Variants in MSH4 observed in about 807,000 individuals in gnomAD.
The protein encoded by MSH4 is mutS protein homolog 4.
A neutral mutation model predicts 113.7 loss-of-function variants in MSH4; 106 were observed. That is an observed-to-expected ratio of 0.93 (90% confidence interval 0.80 to 1.10). MSH4 has a LOEUF of 1.10. Among genes scored for constraint, MSH4 ranks in the 50% least tolerant of loss-of-function variants. The pLI, the probability that MSH4 is intolerant of heterozygous loss-of-function variation, is 0.00. For synonymous variants in MSH4, 368 were observed against 380.2 expected (o/e 0.97, Z 0.37); for missense variants, 1,061 against 1,093.7 (o/e 0.97, Z 0.42).
intron 7 of MSH4, among the ~76,000 whole-genome samples, chr1:75,840,357 ATGTCCTT>A (rs1285167434): frequency 1.8e-4 from 26 of 146,888 alleles, no homozygotes; most frequent in African/African-American, 6.5e-4. Flanking sequence ...TGATGAGTTC[ATGTCCTT>A]TGTAGGGACA....
At chr1:75,909,749 T>A (rs1652747705) in intron 19 of MSH4, among the ~76,000 whole-genome samples, 1 of 151,908 alleles carries the variant, frequency 6.6e-6, no homozygotes, top group South Asian at 2.1e-4. Context: ...TTTGAAACAG[T>A]TTCACTCTTC....
intron 9 of MSH4, among the ~76,000 whole-genome samples, chr1:75,869,196 A>G (rs533601826): frequency 1.3e-5 from 2 of 152,268 alleles, no homozygotes; most frequent in South Asian, 2.1e-4. Flanking sequence ...CACTCTTGCT[A>G]TGCAAAGAGA....
chr1:75,813,099 G>A (rs547098591), intron 4 of MSH4, among the ~76,000 whole-genome samples: 3 of 152,244 alleles, frequency 2.0e-5, no homozygotes, highest in African/African-American at 7.2e-5. Context: ...ATGGCTCAAG[G>A]CTGATGTCAT....
Position 75,879,137 on chromosome 1 carries a change from T to C in MSH4, c.1677+9T>C, listed in dbSNP as rs1328778139. 1 of 1,605,480 alleles carries C rather than the reference T, an allele frequency of 6.2e-7. No homozygotes were observed. The highest frequency in any genetic ancestry group is 8.5e-7 in the Non-Finnish European group (1 of 1,173,394). On this transcript the variant is annotated intron_variant, in intron 12 of 19. Transcript: ENST00000263187. ...CTTCAGAATTTATTAAGGTTCATTT[T>C]AGAGTGGTTAGGAAATTAGTGTTTC...
At chr1:75,900,641 T>C (rs774710305) in intron 19 of MSH4, among the ~76,000 whole-genome samples, 52 of 152,220 alleles carry the variant, frequency 3.4e-4, no homozygotes, top group Middle Eastern at 3.4e-3. Context: ...ATGTGTTCAG[T>C]AAACTGACCT....
chr1:75,814,291 CAAAAAAAAAAAA>C (rs138983828), intron 4 of MSH4, among the ~76,000 whole-genome samples: 1 of 101,312 alleles, frequency 9.9e-6, no homozygotes, highest in African/African-American at 3.9e-5. Flanking sequence ...TATCTCTGCT[CAAAAAAAAAAAA>C]AAAAAAAAAA....
intron 7 of MSH4, among the ~76,000 whole-genome samples, chr1:75,838,526 T>C (rs1650882092): frequency 6.6e-6 from 1 of 152,126 alleles, no homozygotes; most frequent in African/African-American, 2.4e-5. Flanking sequence ...AGGGTGGTGG[T>C]TACCATACTC....
At chr1:75,846,669 A>G (rs1233996472) in intron 7 of MSH4, among the ~76,000 whole-genome samples, 2 of 152,206 alleles carry the variant, frequency 1.3e-5, no homozygotes, top group African/African-American at 4.8e-5. Context: ...GATCATGACC[A>G]CTTAAGTAGT....
At chr1:75,882,284 C>A (rs946904590) in intron 14 of MSH4, among the ~76,000 whole-genome samples, 2 of 151,964 alleles carry the variant, frequency 1.3e-5, no homozygotes, top group African/African-American at 4.8e-5. Context: ...TCTGAAACTC[C>A]ATATCTATAA....
chr1:75,912,814 T>G lies in MSH4; in HGVS notation c.2738T>G (p.Leu913Ter). 1 of 1,589,208 alleles carries G rather than the reference T, an allele frequency of 6.3e-7. No individual in the cohort carries two copies. The highest frequency in any genetic ancestry group is 8.6e-7 in the Non-Finnish European group (1 of 1,168,594). The change falls in exon 20 of 20, where the codon TTA (leucine) becomes TGA (stop). Residue 913 changes from leucine (L) to a stop codon, truncating the protein, a stop_gained. Coordinates refer to ENST00000263187, the MANE Select transcript of MSH4 (RefSeq NM_002440.4). LOFTEE classifies it high-confidence loss of function. ...GATCCAGACAGTTTACGAATATATT[T>G]AAGTAACCTCAAGAAGAAGTACAAA... ...QLDPDSLRIY[L>*]SNLKKKYKED...
chr1:75,797,157 G>C lies in MSH4; in HGVS notation c.172G>C (p.Gly58Arg). 6.2e-7 allele frequency: 1 copy of C among 1,612,630 alleles called. No homozygotes were observed. Among genetic ancestry groups the C allele is most frequent in the Non-Finnish European group, 8.5e-7 (1 of 1,179,394 alleles). The stretch of plus-strand genomic sequence containing the variant: ...TGCATCCACCTGTCCTGGCACGTCA[G>C]GAGCTGCGGGCGACCGGAGCAGCAG... ...VSASTCPGTS[G>R]AAGDRSSSSS... Residue 58 changes from glycine (G) to arginine (R), a missense_variant, in exon 1 of 20, where the codon GGA becomes CGA. Transcript: ENST00000263187.
At position 75,809,340 on chromosome 1, in the gene MSH4, T is replaced by C. The variant is rs5745351; in HGVS notation, c.589-1357T>C. Among the ~76,000 whole-genome samples the C allele has an allele frequency of 1.5e-3, 226 of 152,292 alleles. 2 individuals carry two copies. Among genetic ancestry groups the C allele is most frequent in the African/African-American group, 5.3e-3 (221 of 41,546 alleles). On this transcript the variant is annotated intron_variant, in intron 3 of 19. Transcript: ENST00000263187. Reference sequence around the variant, plus strand: ...TGTGTAGACTTCCCTTTCCTAATAATTAATTTTTTATTATACCTAACAACC... The same window carrying C: ...TGTGTAGACTTCCCTTTCCTAATAACTAATTTTTTATTATACCTAACAACC...
At position 75,899,673 on chromosome 1, in the gene MSH4, G is replaced by A. The variant is rs1012223780; in HGVS notation, c.2586G>A (p.Lys862=). ...SLPPSIVLDA[K]EITTQITRQI... is the part of the protein sequence containing the mutation. ...CACCATCAATTGTCTTGGATGCCAA[G>A]GAAATCACAACTCAAATTACGAGAC... Residue 862 remains lysine, a synonymous_variant, in exon 19 of 20, where the codon AAG becomes AAA. Coordinates refer to ENST00000263187, the MANE Select transcript of MSH4 (RefSeq NM_002440.4). The A allele has an allele frequency of 6.6e-7, 1 of 1,507,808 alleles. No homozygotes were observed. Among genetic ancestry groups the A allele is most frequent in the South Asian group, 1.4e-5 (1 of 71,524 alleles). 93.4% of individuals were successfully genotyped at this position (1,507,808 alleles called of 1,614,324 possible).
At position 75,796,906 on chromosome 1, in the gene MSH4, C is replaced by T; in HGVS notation, c.-80C>T. 6.3e-6 allele frequency: 10 copies of T among 1,579,380 alleles called. No homozygotes were observed. Among genetic ancestry groups the T allele is most frequent in the Admixed American group, 1.7e-5 (1 of 57,262 alleles). On this transcript the variant is annotated 5_prime_UTR_variant, in exon 1 of 20. Transcript: ENST00000263187. ...CGCGCAGTTCTCCCGCCCGTTTCAGCGGCGCAGCTTCTGTAGTTGGGCTAC... is the reference window on the plus strand; with the variant it reads ...CGCGCAGTTCTCCCGCCCGTTTCAGTGGCGCAGCTTCTGTAGTTGGGCTAC...
intron 15 of MSH4, among the ~76,000 whole-genome samples, chr1:75,889,016 T>C (rs1431640790): frequency 1.3e-5 from 2 of 151,250 alleles, no homozygotes; most frequent in East Asian, 3.9e-4. Context: ...TGCCTCAGCC[T>C]CCCGAGTAGT....
chr1:75,884,781 A>G (rs1557523123), intron 15 of MSH4, among the ~76,000 whole-genome samples: 1 of 151,930 alleles, frequency 6.6e-6, no homozygotes, highest in Non-Finnish European at 1.5e-5. Context: ...CACCCTTAGT[A>G]CTGGGACAAT....
Position 75,897,991 on chromosome 1 carries a change from G to A in MSH4, c.2440G>A (p.Val814Ile). 6.2e-7 allele frequency: 1 copy of A among 1,606,766 alleles called. No individual in the cohort carries two copies. The highest frequency in any genetic ancestry group is 1.3e-5 in the African/African-American group (1 of 74,826). Residue 814 changes from valine to isoleucine, a missense_variant, in exon 18 of 20, where the codon GTT (valine) becomes ATT (isoleucine). Val to Ile is a conservative substitution (Grantham distance 29). Transcript: ENST00000263187. Reference sequence around the variant, plus strand: ...TAATGTAGAAAACATGCATTTTGAAGTTCAACATGTAAAGAATACCTCAAG... The same window carrying A: ...TAATGTAGAAAACATGCATTTTGAAATTCAACATGTAAAGAATACCTCAAG... The part of the protein sequence containing the change: ...YPNVENMHFE[V>I]QHVKNTSRNK...
chr1:75,808,392 C>A (rs1384338107), intron 3 of MSH4, among the ~76,000 whole-genome samples: 12 of 152,076 alleles, frequency 7.9e-5, no homozygotes, highest in Non-Finnish European at 1.8e-4. Flanking sequence ...TTCATGCTTG[C>A]AAAAAAGTTA....
chr1:75,833,228 G>A lies in MSH4; in HGVS notation c.1162+10647G>A, dbSNP rs189726120. ...AAATACCTAGGAATCCAACTTATAA[G>A]GGATGTGAAGGATGTCTTCCAGTAG... On this transcript the variant is annotated intron_variant, in intron 7 of 19. Transcript: ENST00000263187. 3.1e-3 allele frequency among the ~76,000 whole-genome samples: 469 copies of A among 152,220 alleles called. 1 individual carries two copies. The highest frequency in any genetic ancestry group is 0.011 in the African/African-American group (440 of 41,536).
Sources: allele counts gnomAD v4.1 joint callset (sites outside exome capture counted in the v4.1 genomes callset), GRCh38; gene constraint gnomAD v4.1.1; transcripts MANE v1.5; gene names NCBI Gene and HGNC (gene_info 2026-07-23, HGNC 2026-07-21).